Variants in AGR3 observed in about 807,000 individuals in gnomAD.
The protein encoded by AGR3 is anterior gradient 3, protein disulphide isomerase family member.
A neutral mutation model predicts 24.5 loss-of-function variants in AGR3; 37 were observed. The ratio of observed to expected loss-of-function variants is 1.51; its 90% confidence interval spans 1.16 to 1.99. The LOEUF is 1.99. Ranked by LOEUF, AGR3 falls within the 30% of genes most tolerant of loss-of-function variation. The pLI, the probability that AGR3 is intolerant of heterozygous loss-of-function variation, is 0.00. For synonymous variants in AGR3, 75 were observed against 61.6 expected, an observed-to-expected ratio of 1.22 and a Z score of -1.02; for missense variants, 228 against 191.1, an observed-to-expected ratio of 1.19 and a Z score of -1.14.
chr7:16,856,999 G>A (rs1377442912), downstream of AGR3, among the ~76,000 whole-genome samples: 22 of 144,036 alleles, frequency 1.5e-4, no homozygotes, highest in Middle Eastern at 7.2e-3. Context: ...TTTTAAACAC[G>A]TTGTGGTCTC....
intron 3 of AGR3, among the ~76,000 whole-genome samples, chr7:16,868,651 T>C (rs891462451): frequency 2.6e-5 from 4 of 152,170 alleles, no homozygotes; most frequent in African/African-American, 9.7e-5. Flanking sequence ...AGCTTTTTAG[T>C]TTGATGTAAT....
rs141463244 is a variant in AGR3 at position 16,872,669 on chromosome 7, T to G, written c.173+1111A>C. Among the ~76,000 whole-genome samples, 7 of 152,258 alleles carry G rather than the reference T, an allele frequency of 4.6e-5. No individual in the cohort carries two copies. In the East Asian group the frequency reaches 1.4e-3, roughly 29 times the overall value. ...GAAACAAAAGCATAAGGGGACAAAC[T>G]GTAGAATAGGAGAAATTATTTGCAA... On this transcript the variant is annotated intron_variant, in intron 3 of 7. Transcript: ENST00000310398.
intron 3 of AGR3, among the ~76,000 whole-genome samples, chr7:16,869,715 G>A (rs1295863067): frequency 4.0e-5 from 6 of 148,370 alleles, no homozygotes; most frequent in Admixed American, 6.7e-5. Context: ...GGGGGAACCT[G>A]TTTTTTAATC....
At chr7:16,871,113 T>C (rs376239632) in intron 3 of AGR3, among the ~76,000 whole-genome samples, 2 of 152,146 alleles carry the variant, frequency 1.3e-5, no homozygotes, top group East Asian at 3.9e-4. Flanking sequence ...AATTATAAAT[T>C]TGGATTTTTA....
In AGR3 at chr7:16,861,311, A is replaced by T. The variant is rs1781638282; in HGVS notation, c.367+73T>A. On this transcript the variant is annotated intron_variant, in intron 6 of 7. Transcript: ENST00000310398. The stretch of plus-strand genomic sequence containing the variant: ...TAAAAAGAATAGTACTTGAACTAGC[A>T]TTTAAAAATAAAAGCAAGAATGCTG... 32 of 1,182,704 alleles carry T rather than the reference A, an allele frequency of 2.7e-5. 1 individual carries two copies. In the Middle Eastern group the frequency reaches 4.5e-3, roughly 168 times the overall value. The allele number at this position is 1,182,704 out of a possible 1,614,324, so 73.3% of individuals were successfully genotyped here.
Position 16,865,149 on chromosome 7 carries a change from G to A in AGR3, c.174-2487C>T. On this transcript the variant is annotated intron_variant, in intron 3 of 7. Coordinates refer to ENST00000310398, the MANE Select transcript of AGR3 (RefSeq NM_176813.5). ...AAACAGAGAAACGTCTTTGCCACCA[G>A]TAGCTTGGACCTCTTGACTTTCAAA... The A allele has an allele frequency of 6.8e-6, 5 of 740,486 alleles. No individual in the cohort carries two copies. In the South Asian group the frequency reaches 7.8e-5, roughly 12 times the overall value. The allele number at this position is 740,486 out of a possible 1,614,324, so 45.9% of individuals were successfully genotyped here.
chr7:16,860,163 A>G (rs1781613102), intron 7 of AGR3, among the ~76,000 whole-genome samples: 1 of 152,178 alleles, frequency 6.6e-6, no homozygotes, highest in South Asian at 2.1e-4. Flanking sequence ...TTAAAGAAAG[A>G]TGAAATGATT....
At chr7:16,877,841 T>C (rs1007116858) in intron 2 of AGR3, among the ~76,000 whole-genome samples, 12 of 134,422 alleles carry the variant, frequency 8.9e-5, no homozygotes, top group Admixed American at 7.6e-4. Context: ...CCAGCCTGGG[T>C]GACAGAGCAA....
At chr7:16,858,669 G>A (rs899315615), downstream of AGR3, among the ~76,000 whole-genome samples, 8 of 151,942 alleles carry the variant, frequency 5.3e-5, no homozygotes, top group Non-Finnish European at 8.8e-5. Context: ...TCAGGAGTTC[G>A]AGACCAGCCT....
intron 3 of AGR3, among the ~76,000 whole-genome samples, chr7:16,866,985 A>C (rs887555003): frequency 6.6e-6 from 1 of 152,126 alleles, no homozygotes; most frequent in Admixed American, 6.6e-5. Flanking sequence ...GGCTATGCTC[A>C]AGCCTAGCAG....
chr7:16,860,765 TA>T (rs1781625666), intron 6 of AGR3, among the ~76,000 whole-genome samples, 182 bp from the exon 7 acceptor site: 1 of 152,210 alleles, frequency 6.6e-6, no homozygotes, highest in Non-Finnish European at 1.5e-5. Flanking sequence ...GTGAACATAG[TA>T]GCCAACAGTT....
At chr7:16,868,263 G>C (rs7457889) in intron 3 of AGR3, among the ~76,000 whole-genome samples, 151,573 of 152,170 alleles carry the variant, frequency 1, 75,494 homozygotes, top group Middle Eastern at 1. Context: ...TCAAGTGATT[G>C]TCCTGCCTCA....
At chr7:16,873,536 T>C in intron 3 of AGR3, 1 of 436,934 alleles carries the variant, frequency 2.3e-6, no homozygotes, top group South Asian at 3.0e-5. Flanking sequence ...TCTACAGCAC[T>C]ATAGGGTACA....
chr7:16,862,059 T>C lies in AGR3; in HGVS notation c.228A>G (p.Ala76=), dbSNP rs1234834491. The C allele has an allele frequency of 8.1e-6, 13 of 1,612,574 alleles. No homozygotes were observed. Among genetic ancestry groups the C allele is most frequent in the Middle Eastern group, 1.6e-4 (1 of 6,076 alleles). ...CATTTTGGGCAAATACTTTCTTTAG[T>C]GCTATAGGGGAAAACAAAATTGCCA... ...HHLEDCQYSQ[A]LKKVFAQNEE... Residue 76 remains alanine (A), a splice_region_variant and synonymous_variant, in exon 5 of 8, where the codon GCA becomes GCG. Transcript: ENST00000310398.
downstream of AGR3, among the ~76,000 whole-genome samples, chr7:16,857,991 CT>C (rs58150058): frequency 6.8e-3 from 983 of 143,934 alleles, 5 homozygotes; most frequent in Middle Eastern, 0.021. Context: ...AAAACATTTT[CT>C]TTTTTTTTTT....
chr7:16,865,493 G>T, intron 3 of AGR3: 1 of 720,930 alleles, frequency 1.4e-6, no homozygotes, highest in Non-Finnish European at 2.5e-6. Context: ...TTTCTTTGGG[G>T]AACAAGAAAC....
chr7:16,857,001 T>C (rs1395920678), downstream of AGR3, among the ~76,000 whole-genome samples: 5 of 151,544 alleles, frequency 3.3e-5, no homozygotes, highest in African/African-American at 1.2e-4. Context: ...TTAAACACGT[T>C]GTGGTCTCAC....
At position 16,865,311 on chromosome 7, in the gene AGR3, A is replaced by G. The variant is rs965541918; in HGVS notation, c.174-2649T>C. Reference sequence around the variant, plus strand: ...CTGGAGGCTGTTTATTGCACTTCTCATATCACCAGAACATCCTTGACAGAG... The same window carrying G: ...CTGGAGGCTGTTTATTGCACTTCTCGTATCACCAGAACATCCTTGACAGAG... On this transcript the variant is annotated intron_variant, in intron 3 of 7. Coordinates refer to ENST00000310398, the MANE Select transcript of AGR3 (RefSeq NM_176813.5). 11 of 1,136,860 alleles carry G rather than the reference A, an allele frequency of 9.7e-6. No homozygotes were observed. The African/African-American group carries it at 1.1e-4, about 11-fold the overall frequency. The allele number at this position is 1,136,860 out of a possible 1,614,324, so 70.4% of individuals were successfully genotyped here. A position where few individuals can be genotyped will look rare whatever the true frequency, so the allele number is the denominator to read the frequency against.
intron 3 of AGR3, chr7:16,866,158 T>A (rs1781754492): frequency 1.9e-6 from 1 of 534,612 alleles, no homozygotes; most frequent in Non-Finnish European, 3.7e-6. Flanking sequence ...GAAGGCTCAT[T>A]TTTTTCTCTA....
Sources: allele counts gnomAD v4.1 joint callset (sites outside exome capture counted in the v4.1 genomes callset), GRCh38; gene constraint gnomAD v4.1.1; transcripts MANE v1.5; gene names NCBI Gene and HGNC (gene_info 2026-07-23, HGNC 2026-07-21).